RANBP2: variants seen among roughly 807,000 people sequenced by gnomAD.
RANBP2 encodes the protein E3 SUMO-protein ligase RanBP2.
Under a neutral mutation model 303.6 loss-of-function variants are expected in RANBP2, and 57 were observed. That is an observed-to-expected ratio of 0.19 (90% CI 0.15 to 0.23). The LOEUF is 0.23. Among genes scored for constraint, RANBP2 ranks in the 10% least tolerant of loss-of-function variants. RANBP2 has a pLI of 1.00. For missense variants in RANBP2, 3,138 were observed against 3,780.8 expected (o/e 0.83, Z 4.46); for synonymous variants, 1,167 against 1,301.5 (o/e 0.90, Z 2.23).
the RANBP2 span, among the ~76,000 whole-genome samples, chr2:108,874,445 T>C: frequency 6.6e-6 from 1 of 152,196 alleles, no homozygotes; most frequent in Admixed American, 6.5e-5. Flanking sequence ...CTTGGTATGC[T>C]GTAGTGTTTC....
rs762743557 is a variant in RANBP2 at position 108,755,060 on chromosome 2, A to T, written c.2358A>T (p.Ser786=). Residue 786 remains serine (S), a synonymous_variant, in exon 16 of 29, where the codon TCA becomes TCT. Coordinates refer to ENST00000283195, the MANE Select transcript of RANBP2 (RefSeq NM_006267.5). ...KHSTPSPTRY[S]LSPSKSYKYS... ...CTACACCGTCTCCTACCAGATATTC[A>T]CTATCACCAAGTAAAAGTTACAAGG... 1 of 1,611,938 alleles carries T rather than the reference A, an allele frequency of 6.2e-7. No homozygotes were observed. The highest frequency in any genetic ancestry group is 2.2e-5 in the East Asian group (1 of 44,848).
chr2:109,155,575 A>G, the RANBP2 span, among the ~76,000 whole-genome samples: 7 of 152,162 alleles, frequency 4.6e-5, no homozygotes, highest in African/African-American at 1.4e-4. Context: ...TGCTGGGATT[A>G]CAGGCCTGAG....
chr2:109,588,415 A>G, the RANBP2 span, among the ~76,000 whole-genome samples: 3 of 152,338 alleles, frequency 2.0e-5, no homozygotes, highest in South Asian at 6.2e-4. Flanking sequence ...TGCACAAGTA[A>G]AATGTATAAG....
chr2:109,625,087 C>CAAAAAAAAAAAAAAAAAAAAAAAAA, the RANBP2 span, among the ~76,000 whole-genome samples: 7 of 60,102 alleles, frequency 1.2e-4, no homozygotes, highest in Non-Finnish European at 1.5e-4. Context: ...ACAACAACAA[C>CAAAAAAAAAAAAAAAAAAAAAAAAA]AAAAAAAAAA....
chr2:108,755,336 A>G, intron 17 of RANBP2, 77 bp downstream of exon 17: 1 of 1,603,984 alleles, frequency 6.2e-7, no homozygotes, highest in Non-Finnish European at 8.5e-7. Flanking sequence ...TTTTTTTCTG[A>G]AGCTGGTCAG....
chr2:108,874,287 T>C, the RANBP2 span, among the ~76,000 whole-genome samples: 2 of 152,194 alleles, frequency 1.3e-5, no homozygotes, highest in South Asian at 4.1e-4. Flanking sequence ...TAGTAAACTC[T>C]TATGGACTGC....
chr2:108,777,320 G>T, intron 25 of RANBP2, 89 bp downstream of exon 25: 1 of 1,068,186 alleles, frequency 9.4e-7, no homozygotes. Context: ...ATATAACTAA[G>T]TTAGAAGTTT....
At chr2:109,203,872 T>A in the RANBP2 span, among the ~76,000 whole-genome samples, 2,046 of 152,326 alleles carry the variant, frequency 0.013, 46 homozygotes, top group African/African-American at 0.047. Flanking sequence ...GGGCCCTTCT[T>A]GTTCCCTGTG....
the RANBP2 span, among the ~76,000 whole-genome samples, chr2:109,688,058 G>A: frequency 1.3e-5 from 2 of 152,138 alleles, no homozygotes; most frequent in Admixed American, 6.5e-5. Context: ...TAAGACAGAA[G>A]GAAAATGACA....
At chr2:109,426,542 G>C in the RANBP2 span, among the ~76,000 whole-genome samples, 1 of 152,234 alleles carries the variant, frequency 6.6e-6, no homozygotes, top group Non-Finnish European at 1.5e-5. Flanking sequence ...TTGAACAGAT[G>C]AGGAGTTGCT....
At chr2:108,927,541 C>T in the RANBP2 span, among the ~76,000 whole-genome samples, 1 of 152,172 alleles carries the variant, frequency 6.6e-6, no homozygotes, top group East Asian at 1.9e-4. Context: ...TGGACACCTT[C>T]TCAGGTCTGA....
the RANBP2 span, among the ~76,000 whole-genome samples, chr2:109,188,667 G>A: frequency 6.6e-6 from 1 of 152,182 alleles, no homozygotes; most frequent in African/African-American, 2.4e-5. Flanking sequence ...GGAATGCAAA[G>A]CGCTTGGGTT....
the RANBP2 span, among the ~76,000 whole-genome samples, chr2:109,766,518 G>T: frequency 6.6e-6 from 1 of 150,586 alleles, no homozygotes; most frequent in African/African-American, 2.4e-5. Context: ...TGACGTTGAA[G>T]ATGAGTATTG....
the RANBP2 span, among the ~76,000 whole-genome samples, chr2:109,434,065 C>T: frequency 4.6e-5 from 7 of 152,194 alleles, no homozygotes; most frequent in African/African-American, 1.2e-4. Context: ...AGCCTGCAAC[C>T]GGCCTGTGCT....
At chr2:109,660,231 T>C in the RANBP2 span, among the ~76,000 whole-genome samples, 1 of 152,158 alleles carries the variant, frequency 6.6e-6, no homozygotes, top group Admixed American at 6.5e-5. Context: ...AACTTTGTAC[T>C]TCACTTCAGC....
the RANBP2 span, chr2:109,399,021 G>A: frequency 2.5e-5 from 36 of 1,416,700 alleles, no homozygotes; most frequent in Admixed American, 3.9e-4. Flanking sequence ...AGTGTCCCCC[G>A]TTCCTCAACT....
the RANBP2 span, among the ~76,000 whole-genome samples, chr2:109,428,520 C>T: frequency 1.3e-5 from 2 of 152,208 alleles, no homozygotes; most frequent in Non-Finnish European, 2.9e-5. Context: ...AGCCCCTGGC[C>T]CCATGCCTGA....
the RANBP2 span, among the ~76,000 whole-genome samples, chr2:109,581,782 C>T: frequency 2.0e-5 from 3 of 152,160 alleles, no homozygotes; most frequent in African/African-American, 4.8e-5. Flanking sequence ...TATGCCTGAG[C>T]TCACCATTCT....
At chr2:109,088,022 T>A in the RANBP2 span, among the ~76,000 whole-genome samples, 2 of 152,158 alleles carry the variant, frequency 1.3e-5, no homozygotes, top group African/African-American at 4.8e-5. Flanking sequence ...CCCAGCACTT[T>A]GGGAGGCCAA....
Sources: gnomAD v4.1 joint callset for allele counts (sites outside exome capture counted in the v4.1 genomes callset) on GRCh38, gnomAD v4.1.1 for gene constraint, MANE v1.5 for transcripts, NCBI Gene and HGNC (gene_info 2026-07-23, HGNC 2026-07-21) for gene names.